The following RASGRF1 variants were observed in gnomAD, a reference collection of about 807,000 sequenced individuals.
RASGRF1 encodes the protein ras-specific guanine nucleotide-releasing factor 1.
Under a neutral mutation model 138.7 loss-of-function variants are expected in RASGRF1, and 40 were observed. The observed-to-expected ratio is 0.29, with a 90% CI of 0.22 to 0.38. The LOEUF (loss-of-function observed/expected upper bound fraction) is 0.38, where lower values mean the gene tolerates loss of function less well. Ranked by LOEUF, RASGRF1 falls within the 10% of genes least tolerant of loss-of-function variation. RASGRF1 has a pLI of 1.00. For synonymous variants in RASGRF1, 614 were observed against 663.2 expected, an observed-to-expected ratio of 0.93 and a Z score of 1.14; for missense variants, 1,108 against 1,650.4, an observed-to-expected ratio of 0.67 and a Z score of 5.69.
intron 1 of RASGRF1, among the ~76,000 whole-genome samples, chr15:79,078,913 C>T (rs1046124559): frequency 6.6e-6 from 1 of 152,228 alleles, no homozygotes; most frequent in African/African-American, 2.4e-5. Flanking sequence ...GGGTGCCATG[C>T]TATGTGCTCA....
intron 1 of RASGRF1, among the ~76,000 whole-genome samples, chr15:79,068,238 G>A (rs62011250): frequency 0.11 from 16,914 of 152,104 alleles, 1,014 homozygotes; most frequent in Non-Finnish European, 0.13. Flanking sequence ...TTAGCCCAGG[G>A]TCCTTCTGTT....
At chr15:79,080,711 G>A (rs1255692456) in intron 1 of RASGRF1, among the ~76,000 whole-genome samples, 1 of 152,142 alleles carries the variant, frequency 6.6e-6, no homozygotes, top group Admixed American at 6.5e-5. Context: ...GTATCTTTTG[G>A]AAAATAATTA....
At chr15:79,035,269 G>T in intron 5 of RASGRF1, 59 bp from the exon 6 acceptor site, 1 of 1,429,404 alleles carries the variant, frequency 7.0e-7, no homozygotes, top group South Asian at 1.2e-5. Context: ...CTCCAGAGGT[G>T]ACTGTCCCCA....
At chr15:78,978,059 T>C (rs2055909953) in intron 24 of RASGRF1, among the ~76,000 whole-genome samples, 1 of 151,764 alleles carries the variant, frequency 6.6e-6, no homozygotes, top group Non-Finnish European at 1.5e-5. Context: ...GGGGCACACA[T>C]AGTTAGGGCT....
intron 23 of RASGRF1, chr15:78,984,485 A>G (rs894210886): frequency 3.3e-4 from 60 of 181,108 alleles, no homozygotes; most frequent in African/African-American, 1.4e-3. Context: ...GTGAAGAGGG[A>G]TTGAGCACAC....
intron 26 of RASGRF1, among the ~76,000 whole-genome samples, chr15:78,962,473 T>TA (rs546941822): frequency 3.9e-5 from 6 of 152,118 alleles, no homozygotes; most frequent in Admixed American, 1.3e-4. Flanking sequence ...GGTACAAAAG[T>TA]AAAAAAAAGT....
chr15:79,076,361 C>T (rs1006665734), intron 1 of RASGRF1, among the ~76,000 whole-genome samples: 21 of 152,122 alleles, frequency 1.4e-4, no homozygotes, highest in African/African-American at 5.1e-4. Context: ...GTTATAATCA[C>T]CCAGAGTTTG....
In RASGRF1 at chr15:79,050,394, C is replaced by T. The variant is rs2057414789; in HGVS notation, c.532-806G>A. ...AGACCACATTTTATTTATCCATTCCCCCTTTGATGGGCATCTAGGTAATCC... is the reference window on the plus strand; with the variant it reads ...AGACCACATTTTATTTATCCATTCCTCCTTTGATGGGCATCTAGGTAATCC... On this transcript the variant is annotated intron_variant, in intron 3 of 26. Coordinates refer to ENST00000558480, the MANE Select transcript of RASGRF1 (RefSeq NM_001145648.3). The surrounding 1 kb of genome is among the most constrained non-coding windows in gnomAD (Gnocchi z 4.1). Among the ~76,000 whole-genome samples, 1 of 152,174 alleles carries T rather than the reference C, an allele frequency of 6.6e-6. No homozygotes were observed. The highest frequency in any genetic ancestry group is 6.5e-5 in the Admixed American group (1 of 15,284).
chr15:79,086,436 T>TACTCATTA (rs1225112072), intron 1 of RASGRF1, among the ~76,000 whole-genome samples: 1 of 152,190 alleles, frequency 6.6e-6, no homozygotes, highest in African/African-American at 2.4e-5. Flanking sequence ...AAAATGAGTG[T>TACTCATTA]ACTCATTAAC....
chr15:79,075,411 G>A (rs915172103), intron 1 of RASGRF1, among the ~76,000 whole-genome samples: 6 of 152,168 alleles, frequency 3.9e-5, no homozygotes, highest in Non-Finnish European at 8.8e-5. Context: ...TTCCTGTCCA[G>A]TATGTCCTTC....
In RASGRF1 at chr15:79,046,965, C is replaced by T. The variant is rs751656495; in HGVS notation, c.659G>A (p.Arg220Gln). Residue 220 changes from arginine (R) to glutamine (Q), a missense_variant, in exon 5 of 27, where the codon CGG becomes CAG. Arg to Gln is a conservative substitution (Grantham distance 43). Coordinates refer to ENST00000558480, the MANE Select transcript of RASGRF1 (RefSeq NM_001145648.3). This position sits in a 1 kb window ranked among gnomAD's most constrained non-coding sequence, Gnocchi z 5.3. Reference sequence around the variant, plus strand: ...GTCCTGGATGATGGTCTTCCACTTCCGCCGGCACAGCCAGCCCCGCAGGAA... The same window carrying T: ...GTCCTGGATGATGGTCTTCCACTTCTGCCGGCACAGCCAGCCCCGCAGGAA... The part of the protein sequence containing the change: ...QSFLRGWLCR[R>Q]KWKTIIQDYI... 1.6e-5 allele frequency: 26 copies of T among 1,613,476 alleles called. No individual in the cohort carries two copies. Among genetic ancestry groups the T allele is most frequent in the South Asian group, 3.3e-5 (3 of 91,084 alleles).
In RASGRF1 at chr15:79,083,758, C is replaced by A. The variant is rs575383734; in HGVS notation, c.276+6465G>T. On this transcript the variant is annotated intron_variant, in intron 1 of 26. Coordinates refer to ENST00000558480, the MANE Select transcript of RASGRF1 (RefSeq NM_001145648.3). ...CATGTACTTGCTCTGTAACTTTGAA[C>A]AACTTAACATCTCTGAGCCTCAGTT... is the stretch of plus-strand genomic sequence containing the variant. 5.8e-4 allele frequency among the ~76,000 whole-genome samples: 89 copies of A among 152,280 alleles called. 2 individuals carry two copies. The South Asian group carries it at 0.018, about 32-fold the overall frequency.
chr15:79,043,617 AG>A (rs1324621868), intron 5 of RASGRF1, among the ~76,000 whole-genome samples: 2 of 152,192 alleles, frequency 1.3e-5, no homozygotes, highest in Non-Finnish European at 2.9e-5. Flanking sequence ...TTGCTAAAGT[AG>A]GCAACAGTTG....
intron 18 of RASGRF1, 45 bp from the exon 19 acceptor site, chr15:78,998,253 C>T (rs1321369335): frequency 3.9e-6 from 6 of 1,521,676 alleles, no homozygotes; most frequent in Non-Finnish European, 5.5e-6. Flanking sequence ...TGTTTTTGAG[C>T]TGCTCTGCAG....
intron 23 of RASGRF1, 135 bp downstream of exon 23, chr15:78,984,872 G>A (rs1339773357): frequency 1.0e-6 from 1 of 954,376 alleles, no homozygotes; most frequent in Non-Finnish European, 1.6e-6. Flanking sequence ...AAGCTATTCT[G>A]TTTTACCTGG....
chr15:78,992,701 C>T (rs2056296188), intron 20 of RASGRF1, among the ~76,000 whole-genome samples: 2 of 152,168 alleles, frequency 1.3e-5, no homozygotes, highest in Admixed American at 6.5e-5. Context: ...ATGACTGTCT[C>T]GTGTGCCTCA....
rs747495224 is a variant in RASGRF1 at position 78,999,924 on chromosome 15, G to A, written c.2576-11C>T. The A allele has an allele frequency of 6.2e-7, 1 of 1,612,752 alleles. No individual in the cohort carries two copies. The highest frequency in any genetic ancestry group is 8.5e-7 in the Non-Finnish European group (1 of 1,178,854). ...AAAAGAGTGGGAACTCTGCAGAGAGGAGGGAACCAACCCTCAGCTGTCCCC... is the reference window on the plus strand; with the variant it reads ...AAAAGAGTGGGAACTCTGCAGAGAGAAGGGAACCAACCCTCAGCTGTCCCC... On this transcript the variant is annotated splice_polypyrimidine_tract_variant and intron_variant, in intron 16 of 26. Coordinates refer to ENST00000558480, the MANE Select transcript of RASGRF1 (RefSeq NM_001145648.3).
At chr15:78,994,951 G>T (rs1457924157) in intron 20 of RASGRF1, among the ~76,000 whole-genome samples, 2 of 149,780 alleles carry the variant, frequency 1.3e-5, no homozygotes, top group Non-Finnish European at 3.0e-5. Context: ...TTTTGAGATG[G>T]GGGTCTCACT....
intron 22 of RASGRF1, among the ~76,000 whole-genome samples, chr15:78,988,574 G>A (rs944418592): frequency 3.3e-5 from 5 of 152,228 alleles, no homozygotes; most frequent in African/African-American, 9.7e-5. Flanking sequence ...TTTCTTCTAG[G>A]CTGCTGAGGA....
Sources: gnomAD v4.1 joint callset for allele counts (sites outside exome capture counted in the v4.1 genomes callset) on GRCh38, gnomAD v4.1.1 for gene constraint, Gnocchi (gnomAD v3.1) non-coding constraint, MANE v1.5 for transcripts, NCBI Gene and HGNC (gene_info 2026-07-23, HGNC 2026-07-21) for gene names.